Variants in WWOX observed in about 807,000 individuals in gnomAD.
WWOX encodes WW domain-containing oxidoreductase.
WWOX carries 69 observed loss-of-function variants against 46.2 expected under a neutral mutation model. That is an observed-to-expected ratio of 1.49 (90% CI 1.23 to 1.82). WWOX has a LOEUF of 1.82. WWOX is among the 40% of genes most tolerant of loss of function. WWOX has a pLI of 0.00. For missense variants in WWOX, 919 were observed against 542.6 expected, an observed-to-expected ratio of 1.69 and a Z score of -6.89; for synonymous variants, 359 against 202.6, an observed-to-expected ratio of 1.77 and a Z score of -6.56.
At chr16:78,681,263 G>A (rs1182257069) in intron 8 of WWOX, among the ~76,000 whole-genome samples, 1 of 151,978 alleles carries the variant, frequency 6.6e-6, no homozygotes, top group African/African-American at 2.4e-5. Flanking sequence ...AAATAAGCTG[G>A]ACGTGGTGGC....
chr16:78,667,243 G>A (rs1229298877), intron 8 of WWOX, among the ~76,000 whole-genome samples: 1 of 152,156 alleles, frequency 6.6e-6, no homozygotes, highest in Admixed American at 6.5e-5. Context: ...GCCCCTCGTA[G>A]CAGACTATCT....
At chr16:78,928,350 C>A (rs2045547468) in intron 8 of WWOX, among the ~76,000 whole-genome samples, 1 of 151,512 alleles carries the variant, frequency 6.6e-6, no homozygotes, top group Non-Finnish European at 1.5e-5. Context: ...CTACAGGCGC[C>A]CGCTACCACG....
At chr16:78,975,859 T>C (rs1459408790) in intron 8 of WWOX, among the ~76,000 whole-genome samples, 1 of 152,138 alleles carries the variant, frequency 6.6e-6, no homozygotes, top group Non-Finnish European at 1.5e-5. Context: ...GTAAGGACCC[T>C]TGCCATTAGG....
At chr16:78,345,458 C>CAAAAAAAAAAAAAAAAAAAAAAAAA (rs71137889) in intron 5 of WWOX, among the ~76,000 whole-genome samples, 9 of 26,778 alleles carry the variant, frequency 3.4e-4, no homozygotes, top group Non-Finnish European at 5.3e-4. Flanking sequence ...CCATCGCTAC[C>CAAAAAAAAAAAAAAAAAAAAAAAAA]AAAAAAAAAA....
intron 8 of WWOX, among the ~76,000 whole-genome samples, chr16:78,879,576 T>G (rs916610710): frequency 6.6e-6 from 1 of 152,126 alleles, no homozygotes; most frequent in Non-Finnish European, 1.5e-5. Context: ...CAACATTGTT[T>G]GTGCTTAGAA....
intron 8 of WWOX, among the ~76,000 whole-genome samples, chr16:78,673,910 G>C (rs1259904022): frequency 6.6e-6 from 1 of 152,080 alleles, no homozygotes; most frequent in East Asian, 1.9e-4. Flanking sequence ...ATGTTTAATT[G>C]GTTCATCCCA....
At chr16:78,998,002 G>A (rs779433385) in intron 8 of WWOX, among the ~76,000 whole-genome samples, 14 of 151,894 alleles carry the variant, frequency 9.2e-5, no homozygotes, top group Non-Finnish European at 1.0e-4. Context: ...TCAGCCTCCC[G>A]AGTAGCTGGG....
intron 8 of WWOX, among the ~76,000 whole-genome samples, chr16:78,845,695 G>A (rs565394229): frequency 7.9e-5 from 12 of 152,222 alleles, no homozygotes; most frequent in South Asian, 4.1e-4. Flanking sequence ...TAATATTTCC[G>A]GAAGAATGGC....
intron 5 of WWOX, among the ~76,000 whole-genome samples, chr16:78,232,211 A>C (rs1038830022): frequency 6.6e-6 from 1 of 152,220 alleles, no homozygotes; most frequent in South Asian, 2.1e-4. Flanking sequence ...TTACAATTGA[A>C]GAATTTCAGG....
In WWOX at chr16:78,883,061, C is replaced by T. The variant is rs570710371; in HGVS notation, c.1057-328547C>T. On this transcript the variant is annotated intron_variant, in intron 8 of 8. Coordinates refer to ENST00000566780, the MANE Select transcript of WWOX (RefSeq NM_016373.4). ...GAGGACAGGAAGCACCTTAGCGGTT[C>T]GCCTTTCATTTGAGTGGGCCCAGGG... Among the ~76,000 whole-genome samples the T allele has an allele frequency of 6.4e-4, 98 of 152,218 alleles. No homozygotes were observed. The Middle Eastern group carries it at 0.01, about 16-fold the overall frequency.
intron 5 of WWOX, among the ~76,000 whole-genome samples, chr16:78,295,642 T>G (rs911360148): frequency 6.6e-6 from 1 of 152,142 alleles, no homozygotes; most frequent in Non-Finnish European, 1.5e-5. Flanking sequence ...ACCCAGGAGA[T>G]GGTGGTTGCA....
Position 79,195,322 on chromosome 16 carries a change from C to G in WWOX, c.1057-16286C>G, listed in dbSNP as rs534570985. 1.6e-4 allele frequency among the ~76,000 whole-genome samples: 25 copies of G among 152,126 alleles called. No individual in the cohort carries two copies. The South Asian group carries it at 5.2e-3, about 32-fold the overall frequency. On this transcript the variant is annotated intron_variant, in intron 8 of 8. Coordinates refer to ENST00000566780, the MANE Select transcript of WWOX (RefSeq NM_016373.4). ...GGATTGAGCTGTGCTGTGGGAGATG[C>G]GAATGCTCCAGTCAATCCCAAGGAA...
intron 5 of WWOX, among the ~76,000 whole-genome samples, chr16:78,351,448 G>T (rs906649474): frequency 6.6e-6 from 1 of 152,190 alleles, no homozygotes; most frequent in Non-Finnish European, 1.5e-5. Flanking sequence ...CCCCAGGGAT[G>T]GGGTGAGGGG....
intron 8 of WWOX, among the ~76,000 whole-genome samples, chr16:78,481,261 A>G (rs2667562): frequency 0.26 from 39,733 of 152,064 alleles, 6,438 homozygotes; most frequent in African/African-American, 0.46. Flanking sequence ...CATCAACTCA[A>G]GACAGTTCAA....
At chr16:78,759,853 C>T (rs2049747759) in intron 8 of WWOX, among the ~76,000 whole-genome samples, 1 of 152,044 alleles carries the variant, frequency 6.6e-6, no homozygotes, top group Non-Finnish European at 1.5e-5. Flanking sequence ...GGGGAGAGTC[C>T]ATTCCTTTCA....
chr16:78,906,599 A>G (rs2044971399), intron 8 of WWOX, among the ~76,000 whole-genome samples: 2 of 152,188 alleles, frequency 1.3e-5, no homozygotes, highest in Admixed American at 6.5e-5. Context: ...GAGAACCTGG[A>G]GAAGTCAGGA....
chr16:78,717,741 C>G (rs771162564), intron 8 of WWOX, among the ~76,000 whole-genome samples: 1 of 152,170 alleles, frequency 6.6e-6, no homozygotes, highest in Non-Finnish European at 1.5e-5. Flanking sequence ...TTGGGTTGGA[C>G]TCTGATGGAT....
intron 4 of WWOX, chr16:78,124,419 G>A (rs1448552681): frequency 6.6e-6 from 1 of 152,154 alleles, no homozygotes; most frequent in East Asian, 1.9e-4. Flanking sequence ...TGTTTGGTAT[G>A]ACACAGACCT....
rs560932704 is a variant in WWOX, at chr16:78,625,647, T to A, written c.1056+192895T>A. 2.6e-5 allele frequency among the ~76,000 whole-genome samples: 4 copies of A among 151,942 alleles called. No homozygotes were observed. In the East Asian group the frequency reaches 7.8e-4, roughly 29 times the overall value. On this transcript the variant is annotated intron_variant, in intron 8 of 8. Coordinates refer to ENST00000566780, the MANE Select transcript of WWOX (RefSeq NM_016373.4). ...TAGGTTGTGCAAAAGCAATTGTGGTTTTTGCCATTAAAAGTAATAGTAATA... is the reference window on the plus strand; with the variant it reads ...TAGGTTGTGCAAAAGCAATTGTGGTATTTGCCATTAAAAGTAATAGTAATA...
Sources: allele counts gnomAD v4.1 joint callset (sites outside exome capture counted in the v4.1 genomes callset), GRCh38; gene constraint gnomAD v4.1.1; transcripts MANE v1.5; gene names NCBI Gene and HGNC (gene_info 2026-07-23, HGNC 2026-07-21).